RALGAPA1: variants seen among roughly 807,000 people sequenced by gnomAD.
RALGAPA1 encodes the protein ral GTPase-activating protein subunit alpha-1.
A neutral mutation model predicts 269.6 loss-of-function variants in RALGAPA1; 52 were observed. The ratio of observed to expected loss-of-function variants is 0.19; its 90% confidence interval spans 0.15 to 0.24. The LOEUF (loss-of-function observed/expected upper bound fraction) is 0.24. Ranked by LOEUF, RALGAPA1 falls within the 10% of genes least tolerant of loss-of-function variation. RALGAPA1 has a pLI of 1.00. For synonymous variants in RALGAPA1, 817 were observed against 1,008.3 expected, an observed-to-expected ratio of 0.81 and a Z score of 3.60; for missense variants, 1,917 against 3,013.9, an observed-to-expected ratio of 0.64 and a Z score of 8.52.
intron 1 of RALGAPA1, among the ~76,000 whole-genome samples, chr14:35,777,449 G>GCA: frequency 6.6e-6 from 1 of 152,318 alleles, no homozygotes; most frequent in South Asian, 2.1e-4. Flanking sequence ...TTCAGTGTAA[G>GCA]TGAGAATGCT....
chr14:35,759,085 C>T (rs1359299517), intron 6 of RALGAPA1, among the ~76,000 whole-genome samples: 1 of 151,972 alleles, frequency 6.6e-6, no homozygotes, highest in Non-Finnish European at 1.5e-5. Context: ...AAAGCAGGAC[C>T]CTGTCTCACT....
intron 39 of RALGAPA1, among the ~76,000 whole-genome samples, chr14:35,566,521 C>A (rs12883816): frequency 0.12 from 18,197 of 151,994 alleles, 1,141 homozygotes; most frequent in South Asian, 0.13. Context: ...CCCTTCATTT[C>A]TTTTATGAAG....
chr14:35,569,154 A>C (rs749910906), intron 39 of RALGAPA1, among the ~76,000 whole-genome samples: 1 of 152,208 alleles, frequency 6.6e-6, no homozygotes, highest in Non-Finnish European at 1.5e-5. Flanking sequence ...AGATAGCTTA[A>C]GTCAATTTTC....
chr14:35,621,322 G>A (rs1594850103), intron 35 of RALGAPA1, among the ~76,000 whole-genome samples: 2 of 152,154 alleles, frequency 1.3e-5, no homozygotes, highest in Admixed American at 1.3e-4. Flanking sequence ...GTAGAAAGCT[G>A]AAACTGGATC....
chr14:35,675,910 C>T (rs536043903), intron 22 of RALGAPA1, among the ~76,000 whole-genome samples: 2 of 152,142 alleles, frequency 1.3e-5, no homozygotes, highest in South Asian at 4.1e-4. Flanking sequence ...AGTACATGTA[C>T]ATTCTTTACT....
At chr14:35,617,416 G>A (rs1344892761) in intron 35 of RALGAPA1, among the ~76,000 whole-genome samples, 5 of 151,910 alleles carry the variant, frequency 3.3e-5, no homozygotes, top group African/African-American at 1.2e-4. Context: ...TCAGGAGTTC[G>A]AGACCAGCTT....
Position 35,542,957 on chromosome 14 carries a change from T to G in RALGAPA1, c.*24-3267A>C, listed in dbSNP as rs2054143400. On this transcript the variant is annotated intron_variant, in intron 41 of 41. Coordinates refer to ENST00000680220, the MANE Select transcript of RALGAPA1 (RefSeq NM_001346249.2). ...GATCATTTTTTATTGTGGTTTCGTT[T>G]GTACTGTTTGGTGACAGGTATGACT... Among the ~76,000 whole-genome samples the G allele has an allele frequency of 2.0e-5, 3 of 152,262 alleles. No homozygotes were observed. In the South Asian group the frequency reaches 6.2e-4, roughly 32 times the overall value.
chr14:35,696,472 A>G (rs2066910197), intron 17 of RALGAPA1, among the ~76,000 whole-genome samples: 1 of 152,140 alleles, frequency 6.6e-6, no homozygotes, highest in Non-Finnish European at 1.5e-5. Flanking sequence ...AAGCTATATC[A>G]TATAGCATCA....
chr14:35,585,723 T>G (rs965655441), intron 37 of RALGAPA1, among the ~76,000 whole-genome samples: 6 of 152,156 alleles, frequency 3.9e-5, no homozygotes, highest in Admixed American at 2.0e-4. Context: ...TTTCCCCATT[T>G]CTTGTTTTTG....
At chr14:35,686,797 C>T in intron 18 of RALGAPA1, 131 bp from the exon 19 acceptor site, 1 of 479,400 alleles carries the variant, frequency 2.1e-6, no homozygotes, top group Non-Finnish European at 3.7e-6. Flanking sequence ...TGAATAATTT[C>T]CCTTCTTTCA....
At chr14:35,751,932 T>A in intron 8 of RALGAPA1, 92 bp downstream of exon 8, 3 of 1,483,244 alleles carry the variant, frequency 2.0e-6, no homozygotes, top group Non-Finnish European at 2.7e-6. Context: ...TTAAATATGA[T>A]CAGTTTCCTG....
At chr14:35,588,213 G>A (rs1241896191) in intron 37 of RALGAPA1, among the ~76,000 whole-genome samples, 2 of 152,242 alleles carry the variant, frequency 1.3e-5, no homozygotes, top group Non-Finnish European at 2.9e-5. Flanking sequence ...ACAGGCGTGA[G>A]CCATCGCTCC....
intron 4 of RALGAPA1, chr14:35,766,732 G>A (rs2074182590): frequency 1.8e-6 from 1 of 546,906 alleles, no homozygotes; most frequent in South Asian, 1.5e-5. Context: ...CAGAAAGTGA[G>A]ATGCCTCATT....
At chr14:35,760,634 G>GTCC (rs1400448738) in intron 6 of RALGAPA1, among the ~76,000 whole-genome samples, 195 bp downstream of exon 6, 4 of 152,184 alleles carry the variant, frequency 2.6e-5, no homozygotes, top group Non-Finnish European at 5.9e-5. Context: ...CTTGGGAACT[G>GTCC]TGAGTAACAA....
At chr14:35,714,089 C>T (rs534367772) in intron 16 of RALGAPA1, among the ~76,000 whole-genome samples, 3 of 147,068 alleles carry the variant, frequency 2.0e-5, no homozygotes, top group South Asian at 2.1e-4. Flanking sequence ...AGCAAGACTC[C>T]GTCTAAAAAA....
At chr14:35,708,555 C>T (rs1304813077) in intron 16 of RALGAPA1, among the ~76,000 whole-genome samples, 1 of 152,076 alleles carries the variant, frequency 6.6e-6, no homozygotes, top group East Asian at 1.9e-4. Flanking sequence ...AATGAGATAG[C>T]CCACCCCAGC....
At chr14:35,542,002 T>C in intron 41 of RALGAPA1, 1 of 1,249,560 alleles carries the variant, frequency 8.0e-7, no homozygotes, top group Non-Finnish European at 1.0e-6. Flanking sequence ...TGACAATGCT[T>C]TGTAAATTCA....
intron 27 of RALGAPA1, among the ~76,000 whole-genome samples, chr14:35,663,269 G>A (rs1224989284): frequency 2.0e-5 from 3 of 151,672 alleles, no homozygotes; most frequent in Non-Finnish European, 4.4e-5. Context: ...AGACCTTGTG[G>A]TATATATATA....
chr14:35,605,921 T>C (rs1044801055), intron 35 of RALGAPA1, among the ~76,000 whole-genome samples: 1 of 152,162 alleles, frequency 6.6e-6, no homozygotes. Flanking sequence ...CACTTTTGAC[T>C]GCAAAAACAG....
Sources: allele counts gnomAD v4.1 joint callset (sites outside exome capture counted in the v4.1 genomes callset), GRCh38; gene constraint gnomAD v4.1.1; transcripts MANE v1.5; gene names NCBI Gene and HGNC (gene_info 2026-07-23, HGNC 2026-07-21).